KIF26B: variants seen among roughly 807,000 people sequenced by gnomAD.
KIF26B encodes kinesin-like protein KIF26B.
In KIF26B, 63 loss-of-function variants were observed where a neutral mutation model predicts 151.2. The ratio of observed to expected loss-of-function variants is 0.42; its 90% CI spans 0.34 to 0.51. The LOEUF (loss-of-function observed/expected upper bound fraction) is 0.51, where lower values mean the gene tolerates loss of function less well. Among genes scored for constraint, KIF26B ranks in the 20% least tolerant of loss-of-function variants. The probability of loss-of-function intolerance (pLI) is 0.07; values close to 1 mark genes in which losing one functional copy is unlikely to be tolerated. For missense variants in KIF26B, 2,813 were observed against 2,913.6 expected (o/e 0.97, Z 0.79); for synonymous variants, 1,357 against 1,262.1 (o/e 1.08, Z -1.59).
At chr1:245,248,538 A>G (rs2941276) in intron 2 of KIF26B, among the ~76,000 whole-genome samples, 68,870 of 152,092 alleles carry the variant, frequency 0.45, 17,249 homozygotes, top group Non-Finnish European at 0.57. Flanking sequence ...ATGGTCACAG[A>G]CACTCTCTTG....
At chr1:245,438,272 T>C (rs1658981887) in intron 4 of KIF26B, among the ~76,000 whole-genome samples, 1 of 152,230 alleles carries the variant, frequency 6.6e-6, no homozygotes, top group Non-Finnish European at 1.5e-5. Flanking sequence ...ATATAGCTGC[T>C]GTGTGCCACT....
intron 4 of KIF26B, among the ~76,000 whole-genome samples, chr1:245,538,158 T>C (rs1356646312): frequency 6.6e-6 from 1 of 152,160 alleles, no homozygotes; most frequent in Non-Finnish European, 1.5e-5. Flanking sequence ...TGAGCAATCA[T>C]GGTGGTCATT....
chr1:245,312,799 A>G (rs1671688254), intron 2 of KIF26B, among the ~76,000 whole-genome samples: 1 of 152,178 alleles, frequency 6.6e-6, no homozygotes, highest in Non-Finnish European at 1.5e-5. Flanking sequence ...GTCTCATATT[A>G]ATACTAGAGA....
chr1:245,279,122 G>C (rs971571006), intron 2 of KIF26B, among the ~76,000 whole-genome samples: 1 of 152,082 alleles, frequency 6.6e-6, no homozygotes, highest in Admixed American at 6.5e-5. Context: ...CTGTTCCCAT[G>C]CATGGAACTG....
At position 245,699,138 on chromosome 1, in the gene KIF26B, G is replaced by A. The variant is rs546126692; in HGVS notation, c.6178+101G>A. ...TGACAGTGACACAGGCTGTGTCCTCGTCCTCAGTCACAGGATGCCCATCAA... is the reference window on the plus strand; with the variant it reads ...TGACAGTGACACAGGCTGTGTCCTCATCCTCAGTCACAGGATGCCCATCAA... On this transcript the variant is annotated intron_variant, in intron 14 of 14. Transcript: ENST00000407071. 1,973 of 1,270,514 alleles carry A rather than the reference G, an allele frequency of 1.6e-3. 7 individuals are homozygous for A. The highest frequency in any genetic ancestry group is 1.9e-3 in the Non-Finnish European group (1,749 of 900,142). The allele number at this position is 1,270,514 out of a possible 1,614,324, so 78.7% of individuals were successfully genotyped here.
At chr1:245,185,742 A>AT (rs1227698847) in intron 2 of KIF26B, among the ~76,000 whole-genome samples, 1 of 152,074 alleles carries the variant, frequency 6.6e-6, no homozygotes, top group Non-Finnish European at 1.5e-5. Flanking sequence ...ATGTGTGCTA[A>AT]TTTTCTAAAT....
chr1:245,547,417 C>T (rs921017100), intron 5 of KIF26B, among the ~76,000 whole-genome samples: 17 of 151,656 alleles, frequency 1.1e-4, no homozygotes, highest in African/African-American at 4.1e-4. Context: ...AAAACCCTGC[C>T]TCTACTAAAA....
chr1:245,386,194 T>C (rs560381546), intron 3 of KIF26B, among the ~76,000 whole-genome samples: 57 of 152,094 alleles, frequency 3.7e-4, no homozygotes, highest in Non-Finnish European at 6.9e-4. Context: ...TGAGTTGAGA[T>C]TGTGCCATTG....
In KIF26B at chr1:245,606,348, G is replaced by T. The variant is rs891077882; in HGVS notation, c.1558-1303G>T. Among the ~76,000 whole-genome samples, 4 of 152,094 alleles carry T rather than the reference G, an allele frequency of 2.6e-5. No homozygotes were observed. The highest frequency in any genetic ancestry group is 9.7e-5 in the African/African-American group (4 of 41,440). On this transcript the variant is annotated intron_variant, in intron 6 of 14. Coordinates refer to ENST00000407071, the MANE Select transcript of KIF26B (RefSeq NM_018012.4). The surrounding 1 kb of genome is among the most constrained non-coding windows in gnomAD (Gnocchi z 4.6). The stretch of plus-strand genomic sequence containing the variant: ...AACATTCACGGCCCAGGTGCCCACC[G>T]GGAGGCACGCTGCCCCGAGGGCTGC...
chr1:245,222,834 G>A (rs978052438), intron 2 of KIF26B, among the ~76,000 whole-genome samples: 4 of 152,038 alleles, frequency 2.6e-5, no homozygotes, highest in African/African-American at 4.8e-5. Context: ...TGCAAAAAAC[G>A]TTACTTAATA....
At chr1:245,194,910 G>T (rs148904329) in intron 2 of KIF26B, among the ~76,000 whole-genome samples, 191 of 152,280 alleles carry the variant, frequency 1.3e-3, no homozygotes, top group African/African-American at 4.2e-3. Context: ...GAGGGTTGAA[G>T]ATTTTAACAG....
chr1:245,377,558 C>A (rs1673306668), intron 3 of KIF26B, among the ~76,000 whole-genome samples: 1 of 152,164 alleles, frequency 6.6e-6, no homozygotes, highest in Admixed American at 6.5e-5. Flanking sequence ...TACTTTTGCA[C>A]CTATCTAATA....
rs1422032407 is a variant in KIF26B at position 245,617,119 on chromosome 1, T to C, written c.2098+5143T>C. On this transcript the variant is annotated intron_variant, in intron 9 of 14. Transcript: ENST00000407071. ...TTGTTTGTTTGTTTGTTTTTAACAC[T>C]GAGTCTCGCACTGTCACCCAGGCTG... Among the ~76,000 whole-genome samples, 3 of 152,300 alleles carry C rather than the reference T, an allele frequency of 2.0e-5. No individual in the cohort carries two copies. In the East Asian group the frequency reaches 5.8e-4, roughly 29 times the overall value.
intron 4 of KIF26B, among the ~76,000 whole-genome samples, chr1:245,502,861 C>CTTTT (rs761926443): frequency 7.2e-6 from 1 of 139,174 alleles, no homozygotes; most frequent in Non-Finnish European, 1.6e-5. Context: ...TTATGGTGAA[C>CTTTT]TTTTTTTTTT....
At chr1:245,649,999 C>G (rs1050690708) in intron 10 of KIF26B, among the ~76,000 whole-genome samples, 1 of 152,206 alleles carries the variant, frequency 6.6e-6, no homozygotes, top group Non-Finnish European at 1.5e-5. Context: ...TTTCCAACCT[C>G]AGCCATTACA....
At chr1:245,677,657 G>T (rs1307084053) in intron 10 of KIF26B, among the ~76,000 whole-genome samples, 1 of 152,230 alleles carries the variant, frequency 6.6e-6, no homozygotes, top group Admixed American at 6.5e-5. Context: ...GGCCACTTCT[G>T]CAGAGCAGAT....
At chr1:245,499,761 C>T (rs1243477798) in intron 4 of KIF26B, among the ~76,000 whole-genome samples, 1 of 152,186 alleles carries the variant, frequency 6.6e-6, no homozygotes, top group Non-Finnish European at 1.5e-5. Context: ...GCCTGGAGGG[C>T]CATAGAGCTG....
chr1:245,627,649 T>A (rs149796656), intron 9 of KIF26B, among the ~76,000 whole-genome samples: 1,887 of 146,436 alleles, frequency 0.013, 42 homozygotes, highest in African/African-American at 0.045. Flanking sequence ...ACTGAAGGAG[T>A]TGGAGATGCG....
intron 2 of KIF26B, among the ~76,000 whole-genome samples, chr1:245,302,858 G>A (rs1029881602): frequency 1.3e-5 from 2 of 151,564 alleles, no homozygotes; most frequent in Admixed American, 6.6e-5. Flanking sequence ...GCGTGGTGGC[G>A]GGTGCCTGTA....
Sources: allele counts gnomAD v4.1 joint callset (sites outside exome capture counted in the v4.1 genomes callset), GRCh38; gene constraint gnomAD v4.1.1; non-coding constraint Gnocchi (gnomAD v3.1); transcripts MANE v1.5; gene names NCBI Gene and HGNC (gene_info 2026-07-23, HGNC 2026-07-21).